Variants in FAM83D observed in about 807,000 individuals in gnomAD.
FAM83D encodes the protein protein FAM83D.
FAM83D carries 26 observed loss-of-function variants against 25.4 expected under a neutral mutation model. The ratio of observed to expected loss-of-function variants is 1.02; its 90% CI spans 0.75 to 1.42. The LOEUF is 1.42. Ranked by LOEUF, FAM83D falls within the 40% of genes most tolerant of loss-of-function variation. The pLI, the probability that FAM83D is intolerant of heterozygous loss-of-function variation, is 0.00. For missense variants in FAM83D, 740 were observed against 758.1 expected, an observed-to-expected ratio of 0.98 and a Z score of 0.28; for synonymous variants, 310 against 318.5, an observed-to-expected ratio of 0.97 and a Z score of 0.28.
intron 1 of FAM83D, 28 bp from the exon 2 acceptor site, chr20:38,941,931 C>G: frequency 6.2e-7 from 1 of 1,612,438 alleles, no homozygotes; most frequent in Non-Finnish European, 8.5e-7. Flanking sequence ...ATAAGCTTAT[C>G]ATGTGCTCTT....
chr20:38,942,726 G>A (rs549708582), intron 2 of FAM83D, among the ~76,000 whole-genome samples: 1 of 152,270 alleles, frequency 6.6e-6, no homozygotes, highest in East Asian at 1.9e-4. Context: ...ATTGACTAAC[G>A]GTGATGATGG....
At position 38,950,095 on chromosome 20, in the gene FAM83D, A is replaced by G. The variant is rs184553041; in HGVS notation, c.777-1444A>G. On this transcript the variant is annotated intron_variant, in intron 3 of 3. Transcript: ENST00000619850. ...CTTGGCCTCCCAAAGTGCTGGGATG[A>G]TAGGCATGAGCCACCGTGCCCAGCC... 3.9e-3 allele frequency among the ~76,000 whole-genome samples: 599 copies of G among 151,872 alleles called. 2 individuals carry two copies. Among genetic ancestry groups the G allele is most frequent in the African/African-American group, 0.014 (574 of 41,334 alleles).
chr20:38,935,482 G>A (rs2085674942), intron 1 of FAM83D, among the ~76,000 whole-genome samples: 1 of 152,140 alleles, frequency 6.6e-6, no homozygotes, highest in Non-Finnish European at 1.5e-5. Flanking sequence ...TCATTCTGTT[G>A]CCCAGGCTAG....
At chr20:38,933,336 C>G (rs2145800928) in intron 1 of FAM83D, among the ~76,000 whole-genome samples, 1 of 152,306 alleles carries the variant, frequency 6.6e-6, no homozygotes, top group African/African-American at 2.4e-5. Context: ...GTTTTAGAAA[C>G]AGATGGTAGT....
intron 2 of FAM83D, among the ~76,000 whole-genome samples, chr20:38,943,033 T>C (rs2085709810): frequency 6.6e-6 from 1 of 151,564 alleles, no homozygotes; most frequent in African/African-American, 2.4e-5. Context: ...GCTTTTTTTT[T>C]TTTTTTCCTG....
At chr20:38,944,332 A>G (rs1266417782) in intron 2 of FAM83D, among the ~76,000 whole-genome samples, 1 of 152,248 alleles carries the variant, frequency 6.6e-6, no homozygotes, top group African/African-American at 2.4e-5. Context: ...TGAGACAGCC[A>G]TGTAACCCAA....
chr20:38,949,426 C>G (rs963345320), intron 3 of FAM83D, among the ~76,000 whole-genome samples: 3 of 152,132 alleles, frequency 2.0e-5, no homozygotes, highest in Non-Finnish European at 1.5e-5. Flanking sequence ...TACCAAAGTG[C>G]TGGGGTTACA....
At chr20:38,936,176 G>T (rs994738457) in intron 1 of FAM83D, among the ~76,000 whole-genome samples, 41 of 152,204 alleles carry the variant, frequency 2.7e-4, no homozygotes, top group Non-Finnish European at 5.4e-4. Context: ...GGTGCAGTGA[G>T]AAGGGGTGAT....
intron 1 of FAM83D, among the ~76,000 whole-genome samples, chr20:38,938,820 C>T (rs1460498388): frequency 6.6e-6 from 1 of 152,216 alleles, no homozygotes; most frequent in Non-Finnish European, 1.5e-5. Context: ...TCCTCCTAAA[C>T]ATTTATTGAA....
chr20:38,939,752 A>G (rs140913939), intron 1 of FAM83D, among the ~76,000 whole-genome samples: 114 of 152,238 alleles, frequency 7.5e-4, no homozygotes, highest in African/African-American at 2.7e-3. Context: ...CCTCATAGCC[A>G]TCTTTCTGCC....
Position 38,953,045 on chromosome 20 carries a change from G to A in FAM83D, c.*525G>A, listed in dbSNP as rs569403439. ...TTTAGAAAAAATAAAACTACTTTCT[G>A]TTTATCTCTTTAGAATATCTGTGTT... On this transcript the variant is annotated 3_prime_UTR_variant, in exon 4 of 4. Coordinates refer to ENST00000619850, the MANE Select transcript of FAM83D (RefSeq NM_030919.3). The A allele has an allele frequency of 1.3e-5, 2 of 154,160 alleles. No homozygotes were observed. The highest frequency in any genetic ancestry group is 2.0e-4 in the South Asian group (1 of 5,030). The allele number at this position is 154,160 out of a possible 1,614,324, so 9.5% of individuals were successfully genotyped here. A position where few individuals can be genotyped will look rare whatever the true frequency, so the allele number is the denominator to read the frequency against.
Position 38,952,313 on chromosome 20 carries a change from A to T in FAM83D, c.1551A>T (p.Glu517Asp). Residue 517 changes from glutamate (E) to aspartate (D), a missense_variant, in exon 4 of 4, where the codon GAA becomes GAT. Around this residue, in one of 3 missense-constraint regions of FAM83D, gnomAD observed 375 missense variants for 403.2 expected, o/e 0.93. Coordinates refer to ENST00000619850, the MANE Select transcript of FAM83D (RefSeq NM_030919.3). ...YPKYLGTPHL[E>D]LYLSDSLRNL... ...AGTACCTGGGCACCCCCCACCTGGA[A>T]CTGTACTTGAGTGACTCACTTAGAA... 1 of 1,614,110 alleles carries T rather than the reference A, an allele frequency of 6.2e-7. No homozygotes were observed. Among genetic ancestry groups the T allele is most frequent in the Non-Finnish European group, 8.5e-7 (1 of 1,180,022 alleles).
chr20:38,927,563 A>G lies in FAM83D; in HGVS notation c.483+638A>G, dbSNP rs187398229. ...GCCCAGGCTGGAGTGAAGTGGTGGGATCTCAGTTCACTGCAACCTCCGTCC... is the reference window on the plus strand; with the variant it reads ...GCCCAGGCTGGAGTGAAGTGGTGGGGTCTCAGTTCACTGCAACCTCCGTCC... On this transcript the variant is annotated intron_variant, in intron 1 of 3. Transcript: ENST00000619850. 2.7e-4 allele frequency among the ~76,000 whole-genome samples: 31 copies of G among 116,052 alleles called. No individual in the cohort carries two copies. The Admixed American group carries it at 3.3e-3, about 12-fold the overall frequency. 76.1% of individuals were successfully genotyped at this position (116,052 alleles called of 152,430 possible). A position where few individuals can be genotyped will look rare whatever the true frequency, so the allele number is the denominator to read the frequency against.
intron 1 of FAM83D, among the ~76,000 whole-genome samples, chr20:38,930,293 A>G (rs2085653601): frequency 1.3e-5 from 2 of 152,180 alleles, no homozygotes; most frequent in Non-Finnish European, 2.9e-5. Flanking sequence ...TTTCTGTGCT[A>G]AACCCTTGAC....
rs192004266 is a variant in FAM83D at position 38,950,053 on chromosome 20, C to T, written c.777-1486C>T. Among the ~76,000 whole-genome samples the T allele has an allele frequency of 2.1e-3, 322 of 152,276 alleles. 7 individuals are homozygous for T. The highest frequency in any genetic ancestry group is 0.018 in the East Asian group (92 of 5,172). On this transcript the variant is annotated intron_variant, in intron 3 of 3. Transcript: ENST00000619850. ...AGCCGGGATGGTCTCAATCTCCTGACCTTGTGATCCGGCCACCTTGGCCTC... is the reference window on the plus strand; with the variant it reads ...AGCCGGGATGGTCTCAATCTCCTGATCTTGTGATCCGGCCACCTTGGCCTC...
At chr20:38,944,144 T>C (rs1158259114) in intron 2 of FAM83D, among the ~76,000 whole-genome samples, 3 of 152,224 alleles carry the variant, frequency 2.0e-5, no homozygotes, top group Non-Finnish European at 2.9e-5. Flanking sequence ...GTACTAGATA[T>C]AAAGCAGTCA....
Position 38,951,816 on chromosome 20 carries a change from G to T in FAM83D, c.1054G>T (p.Ala352Ser). The T allele has an allele frequency of 1.2e-6, 2 of 1,614,156 alleles. No homozygotes were observed. The highest frequency in any genetic ancestry group is 1.3e-5 in the African/African-American group (1 of 75,040). Residue 352 changes from alanine to serine, a missense_variant, in exon 4 of 4, where the codon GCA becomes TCA. This residue lies in a region of FAM83D where 375 missense variants were observed against 403.2 expected (regional missense o/e 0.93). Coordinates refer to ENST00000619850, the MANE Select transcript of FAM83D (RefSeq NM_030919.3). ...GGCGGACCTGGACCCAGAGATGCCC[G>T]CAGAGGGCAAGGCAGAGCGCAAGCC... ...RKADLDPEMP[A>S]EGKAERKPHD...
At chr20:38,950,537 C>T (rs999026149) in intron 3 of FAM83D, among the ~76,000 whole-genome samples, 1 of 152,164 alleles carries the variant, frequency 6.6e-6, no homozygotes, top group Non-Finnish European at 1.5e-5. Context: ...TGTGGGTCCT[C>T]CACTGTTAGT....
rs1461185569 is a variant in FAM83D at position 38,952,270 on chromosome 20, A to G, written c.1508A>G (p.His503Arg). 2 of 1,614,018 alleles carry G rather than the reference A, an allele frequency of 1.2e-6. No individual in the cohort carries two copies. Among genetic ancestry groups the G allele is most frequent in the African/African-American group, 1.3e-5 (1 of 74,934 alleles). The change falls in exon 4 of 4, where the codon CAC becomes CGC. Residue 503 changes from histidine to arginine, a missense_variant. His to Arg is a conservative substitution (Grantham distance 29). Transcript: ENST00000619850. ...GCTTCCATCAGAACCACTGACTTCC[A>G]CAATCCTGGCTATCCCAAGTACCTG... The part of the protein sequence containing the change: ...SPASIRTTDF[H>R]NPGYPKYLGT...
Sources: gnomAD v4.1 joint callset for allele counts (sites outside exome capture counted in the v4.1 genomes callset) on GRCh38, gnomAD v4.1.1 for gene constraint, gnomAD v4.1.1 regional missense constraint, MANE v1.5 for transcripts, NCBI Gene and HGNC (gene_info 2026-07-23, HGNC 2026-07-21) for gene names.